The following FARS2 variants were observed in gnomAD, a reference collection of about 807,000 sequenced individuals.
The protein encoded by FARS2 is phenylalanine--tRNA ligase, mitochondrial.
In FARS2, 40 loss-of-function variants were observed where a neutral mutation model predicts 46.4. The ratio of observed to expected loss-of-function variants is 0.86; its 90% confidence interval spans 0.67 to 1.12. The LOEUF is 1.12. Among genes scored for constraint, FARS2 ranks in the 50% most tolerant of loss-of-function variants. The pLI is 0.00. For synonymous variants in FARS2, 234 were observed against 214.9 expected (o/e 1.09, Z -0.78); for missense variants, 513 against 567.9 (o/e 0.90, Z 0.98).
chr6:5,460,002 C>T (rs1363949494), intron 4 of FARS2, among the ~76,000 whole-genome samples: 2 of 152,228 alleles, frequency 1.3e-5, no homozygotes, highest in African/African-American at 4.8e-5. Flanking sequence ...CAAAAGGCAG[C>T]CTTTTCATTC....
chr6:5,715,242 G>C (rs1433092937), intron 6 of FARS2, among the ~76,000 whole-genome samples: 2 of 152,118 alleles, frequency 1.3e-5, no homozygotes, highest in Non-Finnish European at 2.9e-5. Flanking sequence ...GATCCAGGGG[G>C]TCTGATGATA....
intron 6 of FARS2, among the ~76,000 whole-genome samples, chr6:5,748,952 C>T (rs1284378785): frequency 1.3e-5 from 2 of 152,182 alleles, no homozygotes; most frequent in Non-Finnish European, 2.9e-5. Flanking sequence ...AGGAATCAGG[C>T]GAAGATCAAA....
At chr6:5,591,664 C>T (rs1773925695) in intron 5 of FARS2, among the ~76,000 whole-genome samples, 1 of 152,210 alleles carries the variant, frequency 6.6e-6, no homozygotes, top group Non-Finnish European at 1.5e-5. Context: ...AATGCTGACC[C>T]ATTTCTTCTC....
intron 5 of FARS2, among the ~76,000 whole-genome samples, chr6:5,561,489 A>G (rs909678618): frequency 6.6e-6 from 1 of 152,134 alleles, no homozygotes; most frequent in African/African-American, 2.4e-5. Context: ...CTCTTTGAAG[A>G]TGCTATTTCT....
intron 1 of FARS2, among the ~76,000 whole-genome samples, chr6:5,262,656 T>G (rs1765267332): frequency 6.6e-6 from 1 of 152,230 alleles, no homozygotes; most frequent in Non-Finnish European, 1.5e-5. Flanking sequence ...CAACCTGGTG[T>G]CCTTGCATCC....
At chr6:5,287,894 A>G (rs1260463697) in intron 1 of FARS2, among the ~76,000 whole-genome samples, 2 of 152,174 alleles carry the variant, frequency 1.3e-5, no homozygotes, top group African/African-American at 2.4e-5. Context: ...TGTTCACTCT[A>G]CTGAAGACAG....
intron 6 of FARS2, among the ~76,000 whole-genome samples, chr6:5,752,219 A>G (rs762077356): frequency 1.3e-5 from 2 of 152,134 alleles, no homozygotes; most frequent in African/African-American, 4.8e-5. Flanking sequence ...GAGCTAAACC[A>G]TGGGACATAT....
At chr6:5,757,019 G>A (rs1582888731) in intron 6 of FARS2, among the ~76,000 whole-genome samples, 1 of 152,150 alleles carries the variant, frequency 6.6e-6, no homozygotes, top group African/African-American at 2.4e-5. Flanking sequence ...CCCCAAGCCC[G>A]TAATTGAAGC....
In FARS2 at chr6:5,589,197, T is replaced by C. The variant is rs749101613; in HGVS notation, c.1066-23972T>C. Among the ~76,000 whole-genome samples, 59 of 152,092 alleles carry C rather than the reference T, an allele frequency of 3.9e-4. 1 individual carries two copies. Among genetic ancestry groups the C allele is most frequent in the Non-Finnish European group, 2.1e-4 (14 of 68,010 alleles). On this transcript the variant is annotated intron_variant, in intron 5 of 6. Coordinates refer to ENST00000274680, the MANE Select transcript of FARS2 (RefSeq NM_006567.5). ...GAGCTAGAGCCAGCTCCCCCCGTCC[T>C]AGGTCCCCCAACCCCAGTTCGGCTG...
intron 5 of FARS2, chr6:5,609,102 A>C: frequency 1.6e-6 from 1 of 640,776 alleles, no homozygotes; most frequent in South Asian, 1.5e-5. Flanking sequence ...TGTCTAAAAT[A>C]TGTCTTCTTT....
chr6:5,352,894 ACATT>A (rs1173707918), intron 1 of FARS2, among the ~76,000 whole-genome samples: 2 of 152,180 alleles, frequency 1.3e-5, no homozygotes, highest in African/African-American at 4.8e-5. Flanking sequence ...GTCATCTCAC[ACATT>A]CATTTGTTCT....
At chr6:5,514,645 T>C (rs1768672664) in intron 4 of FARS2, among the ~76,000 whole-genome samples, 1 of 152,238 alleles carries the variant, frequency 6.6e-6, no homozygotes, top group African/African-American at 2.4e-5. Flanking sequence ...TTCTCTGAAA[T>C]TGACAACTCT....
Position 5,324,173 on chromosome 6 carries a change from A to G in FARS2, c.-21-44377A>G, listed in dbSNP as rs540722533. Among the ~76,000 whole-genome samples the G allele has an allele frequency of 9.2e-5, 14 of 152,314 alleles. No individual in the cohort carries two copies. The South Asian group carries it at 2.9e-3, about 32-fold the overall frequency. On this transcript the variant is annotated intron_variant, in intron 1 of 6. Transcript: ENST00000274680. ...TAAAGTAAACCGGTCTTTAACTGTC[A>G]AGCTGCCATTCGTGTTTCTTTCCTC...
chr6:5,642,514 C>T (rs751124352), intron 6 of FARS2, among the ~76,000 whole-genome samples: 2 of 152,222 alleles, frequency 1.3e-5, no homozygotes, highest in Non-Finnish European at 2.9e-5. Flanking sequence ...CTTTCTCCAT[C>T]TAAAGCAGTC....
the FARS2 span, among the ~76,000 whole-genome samples, chr6:5,251,980 C>T: frequency 1.3e-5 from 2 of 151,894 alleles, no homozygotes; most frequent in South Asian, 2.1e-4. Context: ...TTCCTAAACA[C>T]GAATCATTAT....
intron 6 of FARS2, among the ~76,000 whole-genome samples, chr6:5,715,622 A>T (rs1384737419): frequency 6.6e-6 from 1 of 152,192 alleles, no homozygotes; most frequent in African/African-American, 2.4e-5. Flanking sequence ...AATGATGTCA[A>T]GGTTCATTCA....
intron 6 of FARS2, among the ~76,000 whole-genome samples, chr6:5,740,496 A>G (rs973647631): frequency 6.6e-6 from 1 of 151,996 alleles, no homozygotes; most frequent in African/African-American, 2.4e-5. Flanking sequence ...AGTACCAAGT[A>G]AGGGTTTTTT....
chr6:5,495,518 C>T (rs919692037), intron 4 of FARS2, among the ~76,000 whole-genome samples: 3 of 152,130 alleles, frequency 2.0e-5, no homozygotes, highest in African/African-American at 4.8e-5. Context: ...CTAATAGAAA[C>T]ATGGAAAGGT....
intron 4 of FARS2, among the ~76,000 whole-genome samples, chr6:5,469,904 T>C (rs954032397): frequency 2.6e-5 from 4 of 152,214 alleles, no homozygotes; most frequent in Admixed American, 2.6e-4. Flanking sequence ...TTGTGTGCCC[T>C]TACACAAGAT....
Sources: gnomAD v4.1 joint callset for allele counts (sites outside exome capture counted in the v4.1 genomes callset) on GRCh38, gnomAD v4.1.1 for gene constraint, MANE v1.5 for transcripts, NCBI Gene and HGNC (gene_info 2026-07-23, HGNC 2026-07-21) for gene names.